The following DPH6 variants were observed in gnomAD, a reference collection of about 807,000 sequenced individuals.
The protein encoded by DPH6 is diphthine--ammonia ligase.
In DPH6, 33 loss-of-function variants were observed where a neutral mutation model predicts 38.2. That is an observed-to-expected ratio of 0.86 (90% CI 0.65 to 1.15). DPH6 has a LOEUF of 1.15. Among genes scored for constraint, DPH6 ranks in the 50% most tolerant of loss-of-function variants. DPH6 has a pLI of 0.00. For missense variants in DPH6, 325 were observed against 320.0 expected (o/e 1.02, Z -0.12); for synonymous variants, 108 against 103.0 (o/e 1.05, Z -0.30).
At chr15:35,399,662 C>CA (rs1358212885) in intron 6 of DPH6, among the ~76,000 whole-genome samples, 1 of 152,176 alleles carries the variant, frequency 6.6e-6, no homozygotes, top group African/African-American at 2.4e-5. Flanking sequence ...AAAGTCATCA[C>CA]ATACATTTAG....
At position 35,465,415 on chromosome 15, in the gene DPH6, G is replaced by A. The variant is rs545910793; in HGVS notation, c.313-10595C>T. 2.1e-4 allele frequency among the ~76,000 whole-genome samples: 32 copies of A among 152,266 alleles called. No homozygotes were observed. In the South Asian group the frequency reaches 6.2e-3, roughly 30 times the overall value. ...TAAATAAACATTTGTGAATGCCAAC[G>A]ACGTTCTAGGGCCTGGATAACTAAG... On this transcript the variant is annotated intron_variant, in intron 3 of 8. Coordinates refer to ENST00000256538, the MANE Select transcript of DPH6 (RefSeq NM_080650.4).
intron 3 of DPH6, among the ~76,000 whole-genome samples, chr15:35,245,460 G>C (rs10152893): frequency 0.16 from 23,700 of 151,936 alleles, 2,100 homozygotes; most frequent in East Asian, 0.28. Context: ...GGATGGTCTC[G>C]ATCTCCTGAC....
rs374248836 is a variant in DPH6 at position 35,450,681 on chromosome 15, A to C, written c.505+4T>G. On this transcript the variant is annotated splice_donor_region_variant and intron_variant, in intron 5 of 8. Transcript: ENST00000256538. ...ACAGCTCCCTTGATAGTTTGGCTGC[A>C]TACCCAAAGCTGCTACTTTGATGAT... is the stretch of plus-strand genomic sequence containing the variant. 1 of 1,610,640 alleles carries C rather than the reference A, an allele frequency of 6.2e-7. No individual in the cohort carries two copies. Among genetic ancestry groups the C allele is most frequent in the African/African-American group, 1.3e-5 (1 of 74,818 alleles).
intron 1 of DPH6, 87 bp downstream of exon 1, chr15:35,546,032 A>G (rs952369481): frequency 2.5e-6 from 3 of 1,188,784 alleles, no homozygotes; most frequent in Admixed American, 3.8e-5. Context: ...ACTCAGACGG[A>G]GACACCCACT....
chr15:35,434,893 C>G (rs12900994), intron 5 of DPH6, among the ~76,000 whole-genome samples: 3 of 151,728 alleles, frequency 2.0e-5, no homozygotes, highest in African/African-American at 7.3e-5. Flanking sequence ...CCAACTGCAG[C>G]CTCCCAGATA....
intron 3 of DPH6, chr15:35,521,692 C>A: frequency 8.1e-7 from 1 of 1,231,068 alleles, no homozygotes; most frequent in East Asian, 3.2e-5. Context: ...TGAAGAAGAG[C>A]AGCATATTAA....
intron 3 of DPH6, among the ~76,000 whole-genome samples, chr15:35,457,030 G>A (rs1297320575): frequency 2.0e-5 from 3 of 151,440 alleles, no homozygotes; most frequent in Admixed American, 6.6e-5. Context: ...GAGTGCAGTG[G>A]GGTGATCTCA....
chr15:35,247,870 G>C (rs1398418749), intron 3 of DPH6, among the ~76,000 whole-genome samples: 1 of 152,084 alleles, frequency 6.6e-6, no homozygotes, highest in Admixed American at 6.6e-5. Flanking sequence ...AGGTTTTGTT[G>C]CTAAATACAC....
At chr15:35,234,314 G>A (rs1019370688) in intron 3 of DPH6, among the ~76,000 whole-genome samples, 1 of 152,206 alleles carries the variant, frequency 6.6e-6, no homozygotes. Context: ...GTGTGCAGGT[G>A]TGGGGTGATA....
At chr15:35,255,590 G>A (rs191117123) in intron 3 of DPH6, among the ~76,000 whole-genome samples, 41 of 152,114 alleles carry the variant, frequency 2.7e-4, no homozygotes, top group Admixed American at 2.6e-3. Context: ...CATTAGCTAG[G>A]TATCACCCCT....
At chr15:35,509,289 C>T (rs1459768531) in intron 3 of DPH6, among the ~76,000 whole-genome samples, 1 of 151,946 alleles carries the variant, frequency 6.6e-6, no homozygotes, top group Non-Finnish European at 1.5e-5. Flanking sequence ...AAAATAAAAC[C>T]TAAATTTCTT....
the DPH6 span, among the ~76,000 whole-genome samples, chr15:35,179,388 T>C: frequency 6.6e-6 from 1 of 152,016 alleles, no homozygotes; most frequent in African/African-American, 2.4e-5. Flanking sequence ...AGGATGTTTA[T>C]GTAGATAATA....
chr15:35,533,723 T>G (rs2055123522), intron 3 of DPH6, among the ~76,000 whole-genome samples: 1 of 151,332 alleles, frequency 6.6e-6, no homozygotes, highest in Non-Finnish European at 1.5e-5. Flanking sequence ...CCCTCAATTA[T>G]TACTGTCAAT....
chr15:35,377,715 A>AAACT (rs1285248800), intron 7 of DPH6, among the ~76,000 whole-genome samples: 1 of 152,192 alleles, frequency 6.6e-6, no homozygotes, highest in East Asian at 1.9e-4. Context: ...AGTGAATTGT[A>AAACT]AACTGTTCTA....
the DPH6 span, among the ~76,000 whole-genome samples, chr15:35,211,306 A>G: frequency 5.9e-5 from 9 of 152,196 alleles, no homozygotes; most frequent in African/African-American, 1.9e-4. Flanking sequence ...AAAATTCCTC[A>G]GTATTAAAGC....
chr15:35,450,544 G>C, intron 5 of DPH6, 141 bp downstream of exon 5: 1 of 696,484 alleles, frequency 1.4e-6, no homozygotes, highest in Non-Finnish European at 2.4e-6. Context: ...ATGCAAGGAA[G>C]GTGCTTACTC....
intron 3 of DPH6, among the ~76,000 whole-genome samples, chr15:35,284,039 A>G (rs1361916140): frequency 6.6e-6 from 1 of 152,208 alleles, no homozygotes; most frequent in Admixed American, 6.6e-5. Flanking sequence ...CCAACAGGAC[A>G]GAACACTATT....
At chr15:35,478,583 A>G (rs1442197406) in intron 3 of DPH6, among the ~76,000 whole-genome samples, 1 of 151,972 alleles carries the variant, frequency 6.6e-6, no homozygotes, top group East Asian at 1.9e-4. Flanking sequence ...TGAATTCAAT[A>G]TCATTAATCT....
At chr15:35,239,535 GAAGGA>G (rs1448794439) in intron 3 of DPH6, among the ~76,000 whole-genome samples, 1 of 143,352 alleles carries the variant, frequency 7.0e-6, no homozygotes, top group African/African-American at 2.5e-5. Flanking sequence ...CTTTTCTGGG[GAAGGA>G]GCAAGTACCC....
Sources: allele counts gnomAD v4.1 joint callset (sites outside exome capture counted in the v4.1 genomes callset), GRCh38; gene constraint gnomAD v4.1.1; transcripts MANE v1.5; gene names NCBI Gene and HGNC (gene_info 2026-07-23, HGNC 2026-07-21).